The following FAM107A variants were observed in gnomAD, a reference collection of about 807,000 sequenced individuals.
The protein encoded by FAM107A is family with sequence similarity 107 member A.
In FAM107A, 19 loss-of-function variants were observed where a neutral mutation model predicts 13.7. That is an observed-to-expected ratio of 1.38 (90% CI 0.97 to 2.03). The LOEUF (loss-of-function observed/expected upper bound fraction) is 2.03. Among genes scored for constraint, FAM107A ranks in the 30% most tolerant of loss-of-function variants. The pLI, the probability that FAM107A is intolerant of heterozygous loss-of-function variation, is 0.00. For missense variants in FAM107A, 203 were observed against 184.4 expected (o/e 1.10, Z -0.58); for synonymous variants, 82 against 74.5 (o/e 1.10, Z -0.52).
At chr3:58,606,653 C>A (rs1011606297) in intron 1 of FAM107A, among the ~76,000 whole-genome samples, 1 of 152,240 alleles carries the variant, frequency 6.6e-6, no homozygotes, top group East Asian at 1.9e-4. Flanking sequence ...TCTGTTGGAC[C>A]TGAAACTCTT....
chr3:58,581,883 T>A (rs1184572622), upstream of FAM107A, among the ~76,000 whole-genome samples: 2 of 152,254 alleles, frequency 1.3e-5, no homozygotes, highest in Admixed American at 1.3e-4. Context: ...GTCTCTTAGC[T>A]GCAGAAGGAC....
chr3:58,623,835 G>A (rs1231737461), intron 1 of FAM107A, among the ~76,000 whole-genome samples: 4 of 152,254 alleles, frequency 2.6e-5, no homozygotes, highest in African/African-American at 9.6e-5. Flanking sequence ...GAGCGAATTG[G>A]TGCAGAAGCG....
chr3:58,567,274 C>T lies in FAM107A; in HGVS notation c.261G>A (p.Leu87=). The T allele has an allele frequency of 6.2e-7, 1 of 1,614,002 alleles. No homozygotes were observed. The highest frequency in any genetic ancestry group is 8.5e-7 in the Non-Finnish European group (1 of 1,179,956). ...AGGGGCACTGCAGCCGCTTGGCTTC[C>T]AGCTCCTCCTTCTTCTTCTTGATGA... The part of the protein sequence containing the change: ...NQLIKKKKEE[L]EAKRLQCPFE... Residue 87 remains leucine (L), a synonymous_variant, in exon 3 of 4, where the codon CTG becomes CTA. Coordinates refer to ENST00000360997, the MANE Select transcript of FAM107A (RefSeq NM_001076778.3).
upstream of FAM107A, among the ~76,000 whole-genome samples, chr3:58,591,168 G>A (rs1440089233): frequency 6.6e-6 from 1 of 152,200 alleles, no homozygotes; most frequent in Non-Finnish European, 1.5e-5. The surrounding 1 kb of genome is among the most constrained non-coding windows in gnomAD (Gnocchi z 4.3). Flanking sequence ...AAGGTAGACA[G>A]TGTGGAAGGA....
chr3:58,570,484 G>T, intron 1 of FAM107A: 1 of 515,708 alleles, frequency 1.9e-6, no homozygotes, highest in Non-Finnish European at 2.5e-6. Flanking sequence ...TTCTACCACA[G>T]CGGTTTGAAA....
chr3:58,586,867 G>C, exon 1 of FAM107A: 2 of 1,532,880 alleles, frequency 1.3e-6, no homozygotes, highest in South Asian at 2.4e-5. Context: ...CCCGACCGGA[G>C]CAGCACAGCC....
intron 1 of FAM107A, among the ~76,000 whole-genome samples, chr3:58,572,084 G>A (rs1462131344): frequency 2.0e-5 from 3 of 152,170 alleles, no homozygotes; most frequent in Non-Finnish European, 4.4e-5. Flanking sequence ...TCAAGAATGT[G>A]GCCAGATACA....
upstream of FAM107A, among the ~76,000 whole-genome samples, chr3:58,592,110 T>C (rs1316091759): frequency 1.3e-5 from 2 of 151,510 alleles, no homozygotes; most frequent in Non-Finnish European, 2.9e-5. Context: ...AGAGGGAGAG[T>C]GTTCGTGGTT....
upstream of FAM107A, among the ~76,000 whole-genome samples, chr3:58,581,630 A>C (rs933349488): frequency 1.1e-4 from 17 of 152,200 alleles, no homozygotes; most frequent in African/African-American, 3.9e-4. Flanking sequence ...TGCTCTGCAG[A>C]AAGGACTCGG....
chr3:58,621,651 A>G (rs910825965), intron 1 of FAM107A, among the ~76,000 whole-genome samples: 1 of 152,188 alleles, frequency 6.6e-6, no homozygotes, highest in Non-Finnish European at 1.5e-5. Flanking sequence ...TGCTATTTTT[A>G]TCCCCATTTT....
intron 1 of FAM107A, among the ~76,000 whole-genome samples, chr3:58,599,510 A>C (rs1344306864): frequency 1.3e-4 from 20 of 152,100 alleles, no homozygotes; most frequent in Non-Finnish European, 2.9e-5. Flanking sequence ...TGTCTCCTGA[A>C]AACTAATCTC....
chr3:58,575,436 T>G (rs1001743751), intron 1 of FAM107A, among the ~76,000 whole-genome samples: 7 of 152,166 alleles, frequency 4.6e-5, no homozygotes, highest in Non-Finnish European at 8.8e-5. Flanking sequence ...GAATTTGATC[T>G]GGATCTCTAA....
intron 1 of FAM107A, chr3:58,570,254 A>G (rs2063668170): frequency 5.1e-6 from 2 of 395,394 alleles, no homozygotes; most frequent in African/African-American, 4.3e-5. Context: ...AAAGGAAAAT[A>G]TATTTAAAAA....
chr3:58,586,887 C>A (rs2065611954), exon 1 of FAM107A: 1 of 1,533,168 alleles, frequency 6.5e-7, no homozygotes, highest in Non-Finnish European at 8.7e-7. Flanking sequence ...CCGGTAGAGC[C>A]CGGTGGCATC....
At chr3:58,584,851 G>T (rs746154393) in intron 1 of FAM107A, among the ~76,000 whole-genome samples, 1 of 152,240 alleles carries the variant, frequency 6.6e-6, no homozygotes, top group South Asian at 2.1e-4. Context: ...AGAAAATTCC[G>T]TAACGGGGCT....
intron 1 of FAM107A, among the ~76,000 whole-genome samples, chr3:58,625,263 C>T (rs2066002283): frequency 6.6e-6 from 1 of 152,278 alleles, no homozygotes; most frequent in South Asian, 2.1e-4. Context: ...TGTGCCATCC[C>T]TTGATAACCT....
intron 1 of FAM107A, among the ~76,000 whole-genome samples, chr3:58,620,550 G>T (rs767461345): frequency 6.6e-6 from 1 of 152,338 alleles, no homozygotes; most frequent in Admixed American, 6.5e-5. Flanking sequence ...TCCTAAGCTG[G>T]GCTTCCAGCC....
At chr3:58,593,729 T>G (rs73091468) in intron 1 of FAM107A, among the ~76,000 whole-genome samples, 8,240 of 152,206 alleles carry the variant, frequency 0.054, 263 homozygotes, top group Middle Eastern at 0.075. Context: ...AATTGCTGGC[T>G]TAGCATTTCC....
chr3:58,590,962 C>T (rs1266317408), upstream of FAM107A, among the ~76,000 whole-genome samples: 1 of 152,248 alleles, frequency 6.6e-6, no homozygotes, highest in Non-Finnish European at 1.5e-5. Context: ...GGGACTCAAA[C>T]CCACATGCCT....
Sources: gnomAD v4.1 joint callset for allele counts (sites outside exome capture counted in the v4.1 genomes callset) on GRCh38, gnomAD v4.1.1 for gene constraint, Gnocchi (gnomAD v3.1) non-coding constraint, MANE v1.5 for transcripts, NCBI Gene and HGNC (gene_info 2026-07-23, HGNC 2026-07-21) for gene names.